Variants in RERG observed in about 807,000 individuals in gnomAD.
RERG encodes the protein RAS like estrogen regulated growth inhibitor.
Under a neutral mutation model 23.2 loss-of-function variants are expected in RERG, and 25 were observed. The observed-to-expected ratio is 1.08, with a 90% confidence interval of 0.79 to 1.50. RERG has a LOEUF of 1.50. RERG is among the 40% of genes most tolerant of loss of function. RERG has a pLI of 0.00. For missense variants in RERG, 253 were observed against 250.1 expected, an observed-to-expected ratio of 1.01 and a Z score of -0.08; for synonymous variants, 81 against 89.1, an observed-to-expected ratio of 0.91 and a Z score of 0.51.
At chr12:15,190,177 A>G (rs1331654425) in intron 2 of RERG, among the ~76,000 whole-genome samples, 4 of 152,132 alleles carry the variant, frequency 2.6e-5, no homozygotes, top group African/African-American at 9.7e-5. Flanking sequence ...AAAGCATGGG[A>G]AGCCAGTTTG....
intron 3 of RERG, among the ~76,000 whole-genome samples, chr12:15,111,671 C>T (rs1391919380): frequency 1.4e-5 from 2 of 147,104 alleles, no homozygotes; most frequent in Admixed American, 7.1e-5. Flanking sequence ...TGCATCTTTG[C>T]TACCCTATAC....
At chr12:15,174,663 G>A (rs1018282229) in intron 2 of RERG, among the ~76,000 whole-genome samples, 7 of 151,286 alleles carry the variant, frequency 4.6e-5, no homozygotes, top group Non-Finnish European at 1.0e-4. Flanking sequence ...TTTCCTTTCT[G>A]TTTCTCACAA....
chr12:15,146,432 G>A (rs960727227), intron 2 of RERG, among the ~76,000 whole-genome samples: 3 of 152,050 alleles, frequency 2.0e-5, no homozygotes, highest in African/African-American at 7.2e-5. Flanking sequence ...CAAAACTTCT[G>A]ATTTGCATGA....
intron 2 of RERG, among the ~76,000 whole-genome samples, chr12:15,130,594 A>T (rs1418293084): frequency 6.6e-6 from 1 of 152,218 alleles, no homozygotes; most frequent in Non-Finnish European, 1.5e-5. Flanking sequence ...TATAAAAAAT[A>T]AAATTGAGCA....
At chr12:15,201,512 A>C (rs182217164) in intron 2 of RERG, among the ~76,000 whole-genome samples, 2 of 151,312 alleles carry the variant, frequency 1.3e-5, no homozygotes, top group African/African-American at 4.8e-5. Flanking sequence ...CTTATGGTAA[A>C]TGATATGCTA....
chr12:15,165,069 A>C (rs1161487853), intron 2 of RERG, among the ~76,000 whole-genome samples: 1 of 152,204 alleles, frequency 6.6e-6, no homozygotes, highest in African/African-American at 2.4e-5. Context: ...AATGTACCAA[A>C]ACCCAAATTG....
At chr12:15,126,789 C>T (rs2136092736) in intron 2 of RERG, among the ~76,000 whole-genome samples, 2 of 142,694 alleles carry the variant, frequency 1.4e-5, no homozygotes, top group East Asian at 4.2e-4. Context: ...GCAATCTCGG[C>T]TCACTGCAAG....
Position 15,110,079 on chromosome 12 carries a change from C to CT in RERG, c.193-563dup, listed in dbSNP as rs543952851. On this transcript the variant is annotated intron_variant, in intron 4 of 4. Coordinates refer to ENST00000256953, the MANE Select transcript of RERG (RefSeq NM_032918.3). Reference sequence around the variant, plus strand: ...TCCAACTCTATGCTAAAGGATTTGGCTTTTTTTTTCTTTTCCTATCTCAGA... The same window carrying CT: ...TCCAACTCTATGCTAAAGGATTTGGCTTTTTTTTTTCTTTTCCTATCTCAGA... Among the ~76,000 whole-genome samples, 461 of 151,512 alleles carry CT rather than the reference C, an allele frequency of 3.0e-3. 3 individuals carry two copies. The highest frequency in any genetic ancestry group is 5.1e-3 in the Admixed American group (77 of 15,218).
intron 2 of RERG, among the ~76,000 whole-genome samples, chr12:15,130,642 C>G (rs909471709): frequency 5.3e-5 from 8 of 151,864 alleles, no homozygotes; most frequent in Admixed American, 2.0e-4. Context: ...ATATAAAATG[C>G]ATGCTTTGTA....
intron 2 of RERG, among the ~76,000 whole-genome samples, chr12:15,158,184 C>T (rs1181836674): frequency 6.6e-6 from 1 of 152,104 alleles, no homozygotes; most frequent in Admixed American, 6.6e-5. Context: ...TAGTTACTTT[C>T]CTCTCCTTGG....
chr12:15,198,746 A>C (rs1321522851), intron 2 of RERG, among the ~76,000 whole-genome samples: 1 of 152,108 alleles, frequency 6.6e-6, no homozygotes, highest in Non-Finnish European at 1.5e-5. Context: ...TTAACATTTC[A>C]TGGCTAATTA....
At chr12:15,117,688 C>T (rs1863753125) in intron 3 of RERG, among the ~76,000 whole-genome samples, 1 of 151,926 alleles carries the variant, frequency 6.6e-6, no homozygotes, top group Admixed American at 6.6e-5. Flanking sequence ...CACACACACA[C>T]ACACACACAC....
chr12:15,109,166 A>G lies in RERG; in HGVS notation c.544T>C (p.Ser182Pro). ...ATGGCTTGCTTGACATGCGTGGTGG[A>G]GCTGCGTCGCCTCGTCTTGCCCTGC... ...MVQGKTRRRS[S>P]TTHVKQAINK... The change falls in exon 5 of 5, where the codon TCC (serine) becomes CCC (proline). Residue 182 changes from serine to proline, a missense_variant. Ser to Pro is a moderately conservative substitution (Grantham distance 74). Transcript: ENST00000256953. 6.2e-7 allele frequency: 1 copy of G among 1,609,152 alleles called. No individual in the cohort carries two copies. Among genetic ancestry groups the G allele is most frequent in the African/African-American group, 1.3e-5 (1 of 74,876 alleles).
intron 2 of RERG, among the ~76,000 whole-genome samples, chr12:15,211,532 A>G (rs1357256421): frequency 6.6e-6 from 1 of 152,172 alleles, no homozygotes; most frequent in Admixed American, 6.5e-5. Context: ...TGGGAGGGGT[A>G]TCAGTGGGCA....
At chr12:15,118,739 C>T (rs946239567) in intron 3 of RERG, among the ~76,000 whole-genome samples, 3 of 151,894 alleles carry the variant, frequency 2.0e-5, no homozygotes, top group African/African-American at 7.3e-5. Context: ...GGTCATGCCA[C>T]GTAAGATGCC....
At chr12:15,162,525 C>CAT (rs933734397) in intron 2 of RERG, among the ~76,000 whole-genome samples, 3 of 152,158 alleles carry the variant, frequency 2.0e-5, no homozygotes, top group African/African-American at 7.2e-5. Flanking sequence ...CCCTAATTAT[C>CAT]ATACATGTCC....
At chr12:15,140,440 ATCAT>A (rs1361271122) in intron 2 of RERG, among the ~76,000 whole-genome samples, 3 of 152,180 alleles carry the variant, frequency 2.0e-5, no homozygotes, top group Non-Finnish European at 2.9e-5. Flanking sequence ...TTATAATTAA[ATCAT>A]TTAAAAAATA....
At chr12:15,127,213 G>A (rs1452187419) in intron 2 of RERG, among the ~76,000 whole-genome samples, 3 of 152,192 alleles carry the variant, frequency 2.0e-5, no homozygotes, top group South Asian at 2.1e-4. Context: ...TGAATGATCT[G>A]AAGTCAGAGA....
At chr12:15,156,835 C>A (rs928963192) in intron 2 of RERG, among the ~76,000 whole-genome samples, 4 of 152,188 alleles carry the variant, frequency 2.6e-5, no homozygotes, top group African/African-American at 7.2e-5. Context: ...CTACTACTCA[C>A]ATTTGACAAG....
Sources: gnomAD v4.1 joint callset for allele counts (sites outside exome capture counted in the v4.1 genomes callset) on GRCh38, gnomAD v4.1.1 for gene constraint, MANE v1.5 for transcripts, NCBI Gene and HGNC (gene_info 2026-07-23, HGNC 2026-07-21) for gene names.